NINL: variants seen among roughly 807,000 people sequenced by gnomAD.
NINL encodes the protein ninein-like protein.
NINL carries 153 observed loss-of-function variants against 160.3 expected under a neutral mutation model. The ratio of observed to expected loss-of-function variants is 0.95; its 90% CI spans 0.84 to 1.09. The LOEUF (loss-of-function observed/expected upper bound fraction) is 1.09, where lower values mean the gene tolerates loss of function less well. NINL is among the 50% of genes least tolerant of loss of function. The pLI, the probability that NINL is intolerant of heterozygous loss-of-function variation, is 0.00. For synonymous variants in NINL, 800 were observed against 734.8 expected, an observed-to-expected ratio of 1.09 and a Z score of -1.43; for missense variants, 1,829 against 1,764.0, an observed-to-expected ratio of 1.04 and a Z score of -0.66.
chr20:25,541,936 C>T (rs1245800636), intron 1 of NINL, among the ~76,000 whole-genome samples: 1 of 152,172 alleles, frequency 6.6e-6, no homozygotes, highest in Non-Finnish European at 1.5e-5. Flanking sequence ...GGGGGTCAGA[C>T]GTTCCCACAG....
At chr20:25,467,075 G>C (rs73335306) in intron 19 of NINL, among the ~76,000 whole-genome samples, 1 of 152,172 alleles carries the variant, frequency 6.6e-6, no homozygotes, top group African/African-American at 2.4e-5. Context: ...GCCTGCCAGC[G>C]TCTATGAGAA....
At position 25,479,003 on chromosome 20, in the gene NINL, C is replaced by A; in HGVS notation, c.2121G>T (p.Glu707Asp). ...TGCAGCAGGGTGCCAGGCCCATCTGCTCAGGCTCGGGGCCGCGGGCTGTGT... is the reference window on the plus strand; with the variant it reads ...TGCAGCAGGGTGCCAGGCCCATCTGATCAGGCTCGGGGCCGCGGGCTGTGT... Reference protein sequence around the residue: ...LQDTARGPEPEQMGLAPCCTQ... With the variant: ...LQDTARGPEPDQMGLAPCCTQ... Residue 707 changes from glutamate to aspartate, a missense_variant, in exon 16 of 24, where the codon GAG becomes GAT. By Grantham distance (45) the Glu-to-Asp change is conservative. Coordinates refer to ENST00000278886, the MANE Select transcript of NINL (RefSeq NM_025176.6). The A allele has an allele frequency of 6.2e-7, 1 of 1,607,868 alleles. No homozygotes were observed. Among genetic ancestry groups the A allele is most frequent in the South Asian group, 1.1e-5 (1 of 91,004 alleles).
chr20:25,526,730 G>A (rs1169077341), intron 1 of NINL, 132 bp from the exon 2 acceptor site: 3 of 917,906 alleles, frequency 3.3e-6, no homozygotes, highest in African/African-American at 1.7e-5. Context: ...GAAGGCACCA[G>A]GGACCCTTGC....
chr20:25,472,324 G>GATATATATATATATAT (rs56260321), intron 17 of NINL, among the ~76,000 whole-genome samples: 9 of 83,954 alleles, frequency 1.1e-4, no homozygotes, highest in Non-Finnish European at 1.4e-4. Flanking sequence ...GGGAGGAGAG[G>GATATATATATATATAT]ATATATATAT....
intron 21 of NINL, among the ~76,000 whole-genome samples, chr20:25,460,441 G>A (rs896926507): frequency 6.6e-6 from 1 of 152,214 alleles, no homozygotes; most frequent in African/African-American, 2.4e-5. Flanking sequence ...CCCCAGGGGT[G>A]TGGAATGCTC....
At chr20:25,474,114 T>C (rs1006885357) in intron 17 of NINL, among the ~76,000 whole-genome samples, 1 of 152,208 alleles carries the variant, frequency 6.6e-6, no homozygotes, top group Non-Finnish European at 1.5e-5. Flanking sequence ...TAATCACAAG[T>C]GTCCTTAGAG....
At chr20:25,500,193 G>C (rs2063840451) in intron 8 of NINL, among the ~76,000 whole-genome samples, 3 of 152,162 alleles carry the variant, frequency 2.0e-5, no homozygotes, top group African/African-American at 7.2e-5. Flanking sequence ...CCCCTGCACA[G>C]TTGTTGCCAA....
chr20:25,566,918 T>C (rs1448054600), intron 1 of NINL, among the ~76,000 whole-genome samples: 4 of 151,008 alleles, frequency 2.6e-5, no homozygotes, highest in South Asian at 4.2e-4. Flanking sequence ...CTTCGGGAGG[T>C]TGAGGCAAGA....
At chr20:25,477,217 C>A (rs113671683) in intron 16 of NINL, 128 bp from the exon 17 acceptor site, 15 of 871,558 alleles carry the variant, frequency 1.7e-5, no homozygotes, top group African/African-American at 1.2e-4. Context: ...TATCCCTCCT[C>A]GCCTCCCTCA....
At position 25,526,402 on chromosome 20, in the gene NINL, ACT is replaced by A; in HGVS notation, c.180+4_180+5del. 6.2e-7 allele frequency: 1 copy of A among 1,608,398 alleles called. No homozygotes were observed. The highest frequency in any genetic ancestry group is 8.5e-7 in the Non-Finnish European group (1 of 1,176,180). Reference sequence around the variant, plus strand: ...TTCCTTTATGACAATGAAGTCCAACACTCACCCTGGCGAAATGGTCGTTTCCG... The same window carrying A: ...TTCCTTTATGACAATGAAGTCCAACACACCCTGGCGAAATGGTCGTTTCCG... On this transcript the variant is annotated splice_donor_5th_base_variant and intron_variant, in intron 2 of 23. Coordinates refer to ENST00000278886, the MANE Select transcript of NINL (RefSeq NM_025176.6).
At chr20:25,508,057 A>G (rs139333421) in intron 5 of NINL, among the ~76,000 whole-genome samples, 1 of 152,312 alleles carries the variant, frequency 6.6e-6, no homozygotes, top group African/African-American at 2.4e-5. Context: ...GCTGCTCTAG[A>G]TCTAGACATC....
At chr20:25,566,950 T>C (rs2065004571) in intron 1 of NINL, among the ~76,000 whole-genome samples, 2 of 151,462 alleles carry the variant, frequency 1.3e-5, no homozygotes, top group East Asian at 2.0e-4. Context: ...GGCCAGGAGT[T>C]TGAGACCAGC....
intron 13 of NINL, chr20:25,488,877 A>AT (rs2063558829): frequency 4.7e-6 from 1 of 213,290 alleles, no homozygotes; most frequent in East Asian, 9.5e-5. Flanking sequence ...CCTTGAGAAC[A>AT]TTAAGCGTGT....
intron 1 of NINL, among the ~76,000 whole-genome samples, chr20:25,536,538 C>T (rs986316344): frequency 2.0e-5 from 3 of 152,178 alleles, no homozygotes; most frequent in Middle Eastern, 3.2e-3. Context: ...TGGTGAAATC[C>T]TGTCTCTACA....
intron 8 of NINL, chr20:25,499,075 C>G: frequency 1.0e-6 from 1 of 985,482 alleles, no homozygotes; most frequent in Non-Finnish European, 1.2e-6. Flanking sequence ...GCGGCAGGCA[C>G]CATGGCAGGG....
chr20:25,494,218 C>T (rs533126285), intron 10 of NINL, among the ~76,000 whole-genome samples: 3 of 150,340 alleles, frequency 2.0e-5, no homozygotes, highest in Non-Finnish European at 3.0e-5. Context: ...ACCCCCAATG[C>T]ACCCCACAGG....
intron 10 of NINL, among the ~76,000 whole-genome samples, chr20:25,493,753 T>C (rs962188833): frequency 6.6e-6 from 1 of 151,654 alleles, no homozygotes; most frequent in African/African-American, 2.4e-5. Context: ...AGACCCTCCC[T>C]GCCCACAGGA....
intron 1 of NINL, among the ~76,000 whole-genome samples, chr20:25,547,847 C>T (rs1209537354): frequency 6.6e-6 from 1 of 152,146 alleles, no homozygotes. Context: ...GCTTCATACA[C>T]GCTGATGGGA....
chr20:25,475,908 TACACAGCCCCCATCA>T, intron 17 of NINL, 120 bp downstream of exon 17: 3 of 877,350 alleles, frequency 3.4e-6, no homozygotes, highest in Non-Finnish European at 5.2e-6. Flanking sequence ...GCTGAAGGGC[TACACAGCCCCCATCA>T]GGGGCTGCGA....
Sources: gnomAD v4.1 joint callset for allele counts (sites outside exome capture counted in the v4.1 genomes callset) on GRCh38, gnomAD v4.1.1 for gene constraint, MANE v1.5 for transcripts, NCBI Gene and HGNC (gene_info 2026-07-23, HGNC 2026-07-21) for gene names.